CDH13: variants seen among roughly 807,000 people sequenced by gnomAD.
CDH13 encodes the protein cadherin 13, also known as cadherin-13.
Under a neutral mutation model 63.8 loss-of-function variants are expected in CDH13, and 24 were observed. That is an observed-to-expected ratio of 0.38 (90% CI 0.27 to 0.53). CDH13 has a LOEUF of 0.53. CDH13 is among the 20% of genes least tolerant of loss of function. The pLI is 0.85. For synonymous variants in CDH13, 503 were observed against 355.3 expected, an observed-to-expected ratio of 1.42 and a Z score of -4.67; for missense variants, 1,049 against 903.1, an observed-to-expected ratio of 1.16 and a Z score of -2.07.
At chr16:83,303,241 A>T (rs1372645547) in intron 5 of CDH13, among the ~76,000 whole-genome samples, 13 of 152,220 alleles carry the variant, frequency 8.5e-5, no homozygotes, top group Non-Finnish European at 1.8e-4. Context: ...AACTAATGTT[A>T]GGAAGATGAA....
chr16:83,455,169 A>G (rs1482941853), intron 6 of CDH13, among the ~76,000 whole-genome samples: 1 of 152,236 alleles, frequency 6.6e-6, no homozygotes, highest in Non-Finnish European at 1.5e-5. Flanking sequence ...GACCTGAGAC[A>G]TGAACCCACG....
At position 83,090,735 on chromosome 16, in the gene CDH13, T is replaced by C. The variant is rs945085269; in HGVS notation, c.367-34650T>C. Among the ~76,000 whole-genome samples the C allele has an allele frequency of 2.0e-5, 3 of 152,148 alleles. No homozygotes were observed. In the East Asian group the frequency reaches 5.8e-4, roughly 29 times the overall value. ...ACTGCACGAGTTGGTGATTAAACTT[T>C]AAAACAACAATTAGACCCTTGATTT... On this transcript the variant is annotated intron_variant, in intron 3 of 13. Coordinates refer to ENST00000567109, the MANE Select transcript of CDH13 (RefSeq NM_001257.5).
chr16:82,686,856 A>G (rs1373127887), intron 1 of CDH13, among the ~76,000 whole-genome samples: 1 of 152,224 alleles, frequency 6.6e-6, no homozygotes, highest in Non-Finnish European at 1.5e-5. Context: ...CAACACAGGG[A>G]ACACGACTTC....
At chr16:83,793,300 A>G (rs1916392526) in intron 13 of CDH13, among the ~76,000 whole-genome samples, 1 of 152,174 alleles carries the variant, frequency 6.6e-6, no homozygotes, top group Non-Finnish European at 1.5e-5. Context: ...AAATGCAGGC[A>G]AAAACACGCC....
intron 6 of CDH13, among the ~76,000 whole-genome samples, chr16:83,392,538 C>G (rs1271029397): frequency 6.6e-6 from 1 of 152,178 alleles, no homozygotes; most frequent in African/African-American, 2.4e-5. Flanking sequence ...TTTGTGACCA[C>G]TCACAGTAAG....
At chr16:83,420,893 A>G (rs1054187887) in intron 6 of CDH13, among the ~76,000 whole-genome samples, 3 of 152,212 alleles carry the variant, frequency 2.0e-5, no homozygotes, top group African/African-American at 7.2e-5. Flanking sequence ...GGCAAGAGGA[A>G]CAGGAGGAAG....
chr16:83,424,911 T>G (rs1034923306), intron 6 of CDH13, among the ~76,000 whole-genome samples: 1 of 152,206 alleles, frequency 6.6e-6, no homozygotes, highest in Admixed American at 6.5e-5. Flanking sequence ...AAGTAAGGAT[T>G]TGGCCTGATT....
chr16:83,600,989 C>T (rs1167277743), intron 7 of CDH13, among the ~76,000 whole-genome samples: 1 of 152,142 alleles, frequency 6.6e-6, no homozygotes, highest in East Asian at 1.9e-4. Flanking sequence ...CTCCCCCTGC[C>T]AAATGCTTCC....
At chr16:83,712,527 C>T (rs439210) in intron 10 of CDH13, among the ~76,000 whole-genome samples, 21,542 of 152,194 alleles carry the variant, frequency 0.14, 1,570 homozygotes, top group Middle Eastern at 0.21. Flanking sequence ...GCATGCTCTG[C>T]GCCCTGCATT....
chr16:83,052,480 C>A (rs1485707958), intron 3 of CDH13, among the ~76,000 whole-genome samples: 1 of 152,064 alleles, frequency 6.6e-6, no homozygotes, highest in Non-Finnish European at 1.5e-5. Context: ...CAAAATGGAA[C>A]TTTCAGAAAT....
At chr16:83,498,825 C>G (rs4284622) in intron 7 of CDH13, among the ~76,000 whole-genome samples, 148,871 of 152,336 alleles carry the variant, frequency 0.98, 72,830 homozygotes, top group East Asian at 1. Context: ...TCTCATCAGG[C>G]CATAGGCTTC....
intron 6 of CDH13, among the ~76,000 whole-genome samples, chr16:83,454,277 A>C (rs930738691): frequency 6.6e-6 from 1 of 152,232 alleles, no homozygotes; most frequent in African/African-American, 2.4e-5. Flanking sequence ...GTGTCTGAGA[A>C]AATGATTGAG....
chr16:83,784,546 C>G (rs374222964), intron 13 of CDH13, among the ~76,000 whole-genome samples: 35 of 150,648 alleles, frequency 2.3e-4, no homozygotes, highest in East Asian at 2.2e-3. Flanking sequence ...GCAGCAGAAT[C>G]ACTTGAACCC....
At chr16:83,343,298 A>C (rs1464669903) in intron 5 of CDH13, among the ~76,000 whole-genome samples, 1 of 152,200 alleles carries the variant, frequency 6.6e-6, no homozygotes, top group African/African-American at 2.4e-5. Context: ...ATTTTTACTC[A>C]ATATTCTAAG....
chr16:83,109,185 A>T (rs1186243047), intron 3 of CDH13, among the ~76,000 whole-genome samples: 1 of 152,208 alleles, frequency 6.6e-6, no homozygotes, highest in Non-Finnish European at 1.5e-5. Flanking sequence ...AAGCAGGGAA[A>T]AGATGAGGAT....
chr16:83,342,426 T>G (rs959558636), intron 5 of CDH13, among the ~76,000 whole-genome samples: 2 of 152,370 alleles, frequency 1.3e-5, no homozygotes, highest in Non-Finnish European at 2.9e-5. Flanking sequence ...AAATTAACTT[T>G]AAGAAAATCC....
At chr16:82,670,926 G>A (rs897381541) in intron 1 of CDH13, among the ~76,000 whole-genome samples, 1 of 152,126 alleles carries the variant, frequency 6.6e-6, no homozygotes, top group African/African-American at 2.4e-5. Flanking sequence ...TATCACCGAG[G>A]CTTCTCTGTA....
intron 6 of CDH13, among the ~76,000 whole-genome samples, chr16:83,357,732 T>C (rs2091084028): frequency 6.6e-6 from 1 of 152,182 alleles, no homozygotes; most frequent in Admixed American, 6.5e-5. Flanking sequence ...GTAGTGCCAA[T>C]GTTTCTCCCT....
intron 7 of CDH13, among the ~76,000 whole-genome samples, chr16:83,499,954 C>T (rs1323710452): frequency 6.6e-6 from 1 of 152,180 alleles, no homozygotes; most frequent in Non-Finnish European, 1.5e-5. Context: ...AGGCGCCTGC[C>T]ACCACGCGCA....
Sources: allele counts gnomAD v4.1 joint callset (sites outside exome capture counted in the v4.1 genomes callset), GRCh38; gene constraint gnomAD v4.1.1; transcripts MANE v1.5; gene names NCBI Gene and HGNC (gene_info 2026-07-23, HGNC 2026-07-21).